Variants in RYR3 observed in about 807,000 individuals in gnomAD.
The protein encoded by RYR3 is brain ryanodine receptor-calcium release channel.
RYR3 carries 207 observed loss-of-function variants against 584.3 expected under a neutral mutation model. The observed-to-expected ratio is 0.35, with a 90% CI of 0.32 to 0.40. RYR3 has a LOEUF of 0.40. Ranked by LOEUF, RYR3 falls within the 10% of genes least tolerant of loss-of-function variation. RYR3 has a pLI of 1.00. For missense variants in RYR3, 5,616 were observed against 6,089.2 expected (o/e 0.92, Z 2.59); for synonymous variants, 2,416 against 2,248.5 (o/e 1.07, Z -2.11).
chr15:33,710,483 A>G (rs984231780), intron 43 of RYR3, among the ~76,000 whole-genome samples: 26 of 151,730 alleles, frequency 1.7e-4, no homozygotes, highest in Admixed American at 1.7e-3. Flanking sequence ...AGCTGGGACT[A>G]TAGGCATGCC....
At chr15:33,577,515 G>A (rs1329370733) in intron 12 of RYR3, among the ~76,000 whole-genome samples, 3 of 152,110 alleles carry the variant, frequency 2.0e-5, no homozygotes. Context: ...CAAGCAATGG[G>A]GAAGTGATTC....
At position 33,700,978 on chromosome 15, in the gene RYR3, C is replaced by T. The variant is rs1411918554; in HGVS notation, c.6381C>T (p.Ala2127=). The T allele has an allele frequency of 4.3e-6, 7 of 1,610,610 alleles. No homozygotes were observed. The highest frequency in any genetic ancestry group is 5.9e-6 in the Non-Finnish European group (7 of 1,177,534). ...GCTAATTCTCCCCTCCTCCCTCAGC[C>T]TCCCCGTCGATGAGGGGATCCACCC... ...YLLENSSVGL[A]SPSMRGSTPL... Residue 2127 remains alanine (A), a splice_region_variant and synonymous_variant, in exon 42 of 104, where the codon GCC becomes GCT. Transcript: ENST00000634891.
intron 1 of RYR3, among the ~76,000 whole-genome samples, chr15:33,338,333 G>C (rs1015132106): frequency 2.0e-5 from 3 of 152,230 alleles, no homozygotes; most frequent in African/African-American, 7.2e-5. Flanking sequence ...AATTTAAAGG[G>C]GAAAGGGCGG....
chr15:33,499,257 A>G (rs1416971098), intron 2 of RYR3, among the ~76,000 whole-genome samples: 1 of 132,122 alleles, frequency 7.6e-6, no homozygotes, highest in South Asian at 2.4e-4. Flanking sequence ...TTTTCGCTCC[A>G]TTTCCCTCCC....
intron 21 of RYR3, among the ~76,000 whole-genome samples, chr15:33,629,529 T>C (rs1366393289): frequency 6.6e-6 from 1 of 152,270 alleles, no homozygotes; most frequent in Non-Finnish European, 1.5e-5. Flanking sequence ...AAATTACAAA[T>C]GTGCTTCACG....
intron 1 of RYR3, among the ~76,000 whole-genome samples, chr15:33,362,972 G>C (rs1462769063): frequency 6.6e-6 from 1 of 152,158 alleles, no homozygotes; most frequent in Non-Finnish European, 1.5e-5. Context: ...TCTCCTATTA[G>C]AGAACAACAG....
intron 53 of RYR3, among the ~76,000 whole-genome samples, chr15:33,747,419 CTTTTTTTTTTTTT>C (rs397854038): frequency 4.6e-4 from 33 of 71,950 alleles, no homozygotes; most frequent in African/African-American, 2.0e-3. Context: ...TGTTGTCACC[CTTTTTTTTTTTTT>C]TTTTTTTTTG....
At chr15:33,591,889 G>A (rs1567614235) in intron 16 of RYR3, among the ~76,000 whole-genome samples, 1 of 152,164 alleles carries the variant, frequency 6.6e-6, no homozygotes, top group Admixed American at 6.6e-5. Flanking sequence ...AATATAGTTA[G>A]CATTTGTTTG....
At chr15:33,555,220 A>C (rs1320965721) in intron 10 of RYR3, among the ~76,000 whole-genome samples, 1 of 152,142 alleles carries the variant, frequency 6.6e-6, no homozygotes, top group Non-Finnish European at 1.5e-5. Context: ...AGCACCCCTA[A>C]CCAAGGTGAC....
At chr15:33,861,377 C>G (rs1888141944) in intron 102 of RYR3, among the ~76,000 whole-genome samples, 199 bp downstream of exon 102, 2 of 152,000 alleles carry the variant, frequency 1.3e-5, no homozygotes, top group South Asian at 4.2e-4. Context: ...CCGCTCCTAG[C>G]AAAAGGCCAG....
chr15:33,428,561 G>A (rs2044848008), intron 1 of RYR3, among the ~76,000 whole-genome samples: 1 of 152,008 alleles, frequency 6.6e-6, no homozygotes, highest in Non-Finnish European at 1.5e-5. Flanking sequence ...ATACCCACGT[G>A]GAAACAAAAC....
intron 16 of RYR3, among the ~76,000 whole-genome samples, chr15:33,598,515 T>G (rs2059500260): frequency 6.6e-6 from 1 of 151,744 alleles, no homozygotes; most frequent in African/African-American, 2.4e-5. Context: ...ACCAGCTGGT[T>G]GTTAAATGCT....
At chr15:33,643,923 GT>G (rs1384219829) in intron 27 of RYR3, among the ~76,000 whole-genome samples, 1 of 152,084 alleles carries the variant, frequency 6.6e-6, no homozygotes, top group East Asian at 1.9e-4. Context: ...TCACTGCATT[GT>G]TTTGGGTAGT....
In RYR3 at chr15:33,819,781, A is replaced by G. The variant is rs1365192808; in HGVS notation, c.10732A>G (p.Thr3578Ala). The G allele has an allele frequency of 6.3e-7, 1 of 1,581,016 alleles. No individual in the cohort carries two copies. Among genetic ancestry groups the G allele is most frequent in the East Asian group, 2.3e-5 (1 of 44,172 alleles). Residue 3578 changes from threonine to alanine, a missense_variant, in exon 77 of 104, where the codon ACC becomes GCC. This residue lies in a region of RYR3 where 954 missense variants were observed against 1,132.2 expected (regional missense o/e 0.84). Coordinates refer to ENST00000634891, the MANE Select transcript of RYR3 (RefSeq NM_001036.6). ...RSKLEDDPLY[T>A]SYSSMMAKSC... Reference sequence around the variant, plus strand: ...CAAATTGGAAGACGACCCTTTGTACACCTCCTATTCCAGCATGATGGCCAA... The same window carrying G: ...CAAATTGGAAGACGACCCTTTGTACGCCTCCTATTCCAGCATGATGGCCAA...
intron 21 of RYR3, among the ~76,000 whole-genome samples, chr15:33,629,632 G>A (rs1751550703): frequency 6.6e-6 from 1 of 152,172 alleles, no homozygotes; most frequent in Non-Finnish European, 1.5e-5. Context: ...GAAACGTTAT[G>A]GTTACATGAA....
intron 1 of RYR3, among the ~76,000 whole-genome samples, chr15:33,316,847 A>G (rs1270656962): frequency 1.3e-5 from 2 of 152,186 alleles, no homozygotes; most frequent in South Asian, 2.1e-4. Flanking sequence ...CATCTCTAAC[A>G]TGGTCTTTGT....
Position 33,699,329 on chromosome 15 carries a change from ACTTTCTCTCCTCT to A in RYR3, c.6250-372_6250-360del, listed in dbSNP as rs1367219159. Among the ~76,000 whole-genome samples the A allele has an allele frequency of 1.8e-4, 18 of 102,296 alleles. No homozygotes were observed. In the East Asian group the frequency reaches 4.9e-3, roughly 28 times the overall value. The allele number at this position is 102,296 out of a possible 152,430, so 67.1% of individuals were successfully genotyped here. A position where few individuals can be genotyped will look rare whatever the true frequency, so the allele number is the denominator to read the frequency against. Reference sequence around the variant, plus strand: ...CACTCTTTCCTCACTTTCTCTCCTCACTTTCTCTCCTCTCTGTCTCTCCTCTCTCTCTCATCTC... The same window carrying A: ...CACTCTTTCCTCACTTTCTCTCCTCACTGTCTCTCCTCTCTCTCTCATCTC... On this transcript the variant is annotated intron_variant, in intron 40 of 103. Coordinates refer to ENST00000634891, the MANE Select transcript of RYR3 (RefSeq NM_001036.6).
At chr15:33,471,298 G>C (rs1363988944) in intron 1 of RYR3, among the ~76,000 whole-genome samples, 1 of 152,200 alleles carries the variant, frequency 6.6e-6, no homozygotes. Context: ...ATACCCATCT[G>C]TGTGTCACCA....
At chr15:33,448,198 G>A (rs1446641703) in intron 1 of RYR3, among the ~76,000 whole-genome samples, 1 of 152,190 alleles carries the variant, frequency 6.6e-6, no homozygotes, top group African/African-American at 2.4e-5. Flanking sequence ...GGGAGGATAA[G>A]CAGCCCCTCT....
Sources: gnomAD v4.1 joint callset for allele counts (sites outside exome capture counted in the v4.1 genomes callset) on GRCh38, gnomAD v4.1.1 for gene constraint, gnomAD v4.1.1 regional missense constraint, MANE v1.5 for transcripts, NCBI Gene and HGNC (gene_info 2026-07-23, HGNC 2026-07-21) for gene names.